HSF2BP: variants seen among roughly 807,000 people sequenced by gnomAD.
HSF2BP encodes the protein heat shock factor 2-binding protein.
A neutral mutation model predicts 35.0 loss-of-function variants in HSF2BP; 35 were observed. The ratio of observed to expected loss-of-function variants is 1.00; its 90% CI spans 0.76 to 1.32. HSF2BP has a LOEUF of 1.32. Ranked by LOEUF, HSF2BP falls within the 40% of genes most tolerant of loss-of-function variation. The pLI is 0.00. For missense variants in HSF2BP, 326 were observed against 321.7 expected, an observed-to-expected ratio of 1.01 and a Z score of -0.10; for synonymous variants, 114 against 117.4, an observed-to-expected ratio of 0.97 and a Z score of 0.18.
chr21:43,627,388 G>C (rs2082403004), intron 6 of HSF2BP, among the ~76,000 whole-genome samples: 2 of 152,184 alleles, frequency 1.3e-5, no homozygotes, highest in Non-Finnish European at 2.9e-5. Context: ...ACTTTAGCTA[G>C]CCAGACAGTA....
chr21:43,608,011 A>G (rs1414611974), intron 7 of HSF2BP, among the ~76,000 whole-genome samples: 1 of 152,238 alleles, frequency 6.6e-6, no homozygotes, highest in Non-Finnish European at 1.5e-5. Flanking sequence ...AAAATCTAGG[A>G]AATAGTCTTC....
At position 43,630,094 on chromosome 21, in the gene HSF2BP, T is replaced by G. The variant is rs2082435606; in HGVS notation, c.574+228A>C. Among the ~76,000 whole-genome samples the G allele has an allele frequency of 2.0e-5, 3 of 152,250 alleles. No homozygotes were observed. In the South Asian group the frequency reaches 6.2e-4, roughly 31 times the overall value. On this transcript the variant is annotated intron_variant, in intron 6 of 8. Transcript: ENST00000291560. ...AATTGTAACTTGCTGAAGGCTCAGA[T>G]GATCATTAGCATTTTTAGCAATAAT...
At chr21:43,655,559 G>A (rs2082856032) in intron 3 of HSF2BP, among the ~76,000 whole-genome samples, 3 of 152,202 alleles carry the variant, frequency 2.0e-5, no homozygotes, top group Admixed American at 6.5e-5. Flanking sequence ...CTGTTGTGGA[G>A]GGATGCAGCT....
At chr21:43,648,306 G>A (rs2082736704) in intron 3 of HSF2BP, among the ~76,000 whole-genome samples, 1 of 152,214 alleles carries the variant, frequency 6.6e-6, no homozygotes, top group Admixed American at 6.5e-5. Flanking sequence ...GAGGACTAGA[G>A]AAGATGACCA....
chr21:43,581,402 AG>A (rs761045717), intron 8 of HSF2BP, among the ~76,000 whole-genome samples: 3 of 151,992 alleles, frequency 2.0e-5, no homozygotes, highest in East Asian at 3.8e-4. Flanking sequence ...AAAAAAAGAA[AG>A]AAAAGAAAGA....
At chr21:43,631,531 A>G (rs1194686011) in intron 5 of HSF2BP, among the ~76,000 whole-genome samples, 1 of 152,036 alleles carries the variant, frequency 6.6e-6, no homozygotes. Flanking sequence ...CCACCTCCTA[A>G]TCCATCCTCA....
chr21:43,590,225 T>A (rs1176665598), intron 8 of HSF2BP, among the ~76,000 whole-genome samples: 2 of 152,074 alleles, frequency 1.3e-5, no homozygotes, highest in African/African-American at 2.4e-5. Context: ...ACAGATATCA[T>A]CAAAGAAGTT....
rs549323250 is a variant in HSF2BP at position 43,640,371 on chromosome 21, A to T, written c.291+3918T>A. 1.8e-4 allele frequency among the ~76,000 whole-genome samples: 27 copies of T among 152,344 alleles called. No individual in the cohort carries two copies. The Middle Eastern group carries it at 0.017, about 96-fold the overall frequency. On this transcript the variant is annotated intron_variant, in intron 4 of 8. Transcript: ENST00000291560. ...CTTGAGATAACAAAATTAGAGATGG[A>T]AAATGTATTAGTGATTGCCAGGGGC...
intron 7 of HSF2BP, among the ~76,000 whole-genome samples, chr21:43,599,282 T>C (rs962507982): frequency 6.6e-6 from 1 of 152,146 alleles, no homozygotes; most frequent in Non-Finnish European, 1.5e-5. Context: ...AGACCTCACG[T>C]CACTGCCAAG....
At chr21:43,626,186 T>C (rs1193311248) in intron 6 of HSF2BP, among the ~76,000 whole-genome samples, 1 of 152,298 alleles carries the variant, frequency 6.6e-6, no homozygotes, top group East Asian at 1.9e-4. Context: ...GCAAGAACTA[T>C]CATCAAGTTT....
rs531726540 is a variant in HSF2BP at position 43,658,476 on chromosome 21, G to A, written c.-224-156C>T. ...ACCTCGCCTCCGCGCGCCTTCCCTC[G>A]CTCGGATTCAGGCGCTTTTACGTTA... On this transcript the variant is annotated intron_variant, in intron 1 of 8. Transcript: ENST00000291560. Among the ~76,000 whole-genome samples, 148 of 152,256 alleles carry A rather than the reference G, an allele frequency of 9.7e-4. 2 individuals are homozygous for A. The highest frequency in any genetic ancestry group is 3.4e-3 in the African/African-American group (140 of 41,562).
chr21:43,658,062 C>G lies in HSF2BP; in HGVS notation c.35G>C (p.Arg12Pro), dbSNP rs1435756358. 2.0e-6 allele frequency: 3 copies of G among 1,535,656 alleles called. No individual in the cohort carries two copies. Among genetic ancestry groups the G allele is most frequent in the Admixed American group, 3.9e-5 (2 of 50,906 alleles). ...GEAGAAEEACRHMGTKEEFVK... is the reference protein window; with the variant it reads ...GEAGAAEEACPHMGTKEEFVK... ...GTCGGCCAGGGCTTCCTCACTAACC[C>G]GGCAGGCCTCCTCAGCGGCGCCCGC... is the stretch of plus-strand genomic sequence containing the variant. Residue 12 changes from arginine (R) to proline (P), a missense_variant and splice_region_variant, in exon 2 of 9, where the codon CGG (arginine) becomes CCG (proline). Transcript: ENST00000291560.
intron 8 of HSF2BP, among the ~76,000 whole-genome samples, chr21:43,588,176 G>T (rs2081880598): frequency 6.6e-6 from 1 of 152,132 alleles, no homozygotes. Flanking sequence ...TCAGGAGTTT[G>T]AGACCAGCCT....
intron 6 of HSF2BP, among the ~76,000 whole-genome samples, chr21:43,629,246 T>C (rs546769185): frequency 6.6e-6 from 1 of 152,312 alleles, no homozygotes; most frequent in African/African-American, 2.4e-5. Flanking sequence ...CTAAAAAGGA[T>C]TCACCATTCT....
At chr21:43,581,563 C>G (rs1213437336) in intron 8 of HSF2BP, among the ~76,000 whole-genome samples, 1 of 152,170 alleles carries the variant, frequency 6.6e-6, no homozygotes, top group African/African-American at 2.4e-5. Flanking sequence ...GCTTCAGCAA[C>G]TGACAACACA....
At chr21:43,626,691 G>T (rs1465058687) in intron 6 of HSF2BP, among the ~76,000 whole-genome samples, 2 of 152,098 alleles carry the variant, frequency 1.3e-5, no homozygotes, top group Non-Finnish European at 2.9e-5. Context: ...TTTGAAGTTG[G>T]TGTTTCTGAG....
chr21:43,614,362 CAAAA>C (rs142666316), intron 6 of HSF2BP, among the ~76,000 whole-genome samples: 2 of 75,566 alleles, frequency 2.6e-5, no homozygotes, highest in Non-Finnish European at 2.8e-5. Flanking sequence ...AGCCCTGTCT[CAAAA>C]AAAAAAAAAA....
intron 7 of HSF2BP, among the ~76,000 whole-genome samples, chr21:43,604,239 T>A (rs1210227087): frequency 1.2e-4 from 14 of 114,444 alleles, no homozygotes; most frequent in African/African-American, 2.0e-4. Context: ...CACACACCAC[T>A]CACCACTCAC....
intron 5 of HSF2BP, among the ~76,000 whole-genome samples, chr21:43,632,034 CACACACACACACGCT>C (rs2082469551): frequency 1.3e-5 from 1 of 76,186 alleles, no homozygotes; most frequent in African/African-American, 6.4e-5. Context: ...CACATGCTCC[CACACACACACACGCT>C]CCCCCCCCAC....
Sources: allele counts gnomAD v4.1 joint callset (sites outside exome capture counted in the v4.1 genomes callset), GRCh38; gene constraint gnomAD v4.1.1; transcripts MANE v1.5; gene names NCBI Gene and HGNC (gene_info 2026-07-23, HGNC 2026-07-21).